The following MET variants were observed in gnomAD, a reference collection of about 807,000 sequenced individuals.
MET encodes MET proto-oncogene, receptor tyrosine kinase, also known as hepatocyte growth factor receptor.
In MET, 48 loss-of-function variants were observed where a neutral mutation model predicts 133.1. The observed-to-expected ratio is 0.36, with a 90% CI of 0.29 to 0.46. The LOEUF (loss-of-function observed/expected upper bound fraction) is 0.46, where lower values mean the gene tolerates loss of function less well. MET is among the 20% of genes least tolerant of loss of function. The pLI, the probability that MET is intolerant of heterozygous loss-of-function variation, is 1.00. For missense variants in MET, 1,442 were observed against 1,695.9 expected, an observed-to-expected ratio of 0.85 and a Z score of 2.63; for synonymous variants, 628 against 616.5, an observed-to-expected ratio of 1.02 and a Z score of -0.28.
intron 9 of MET, 28 bp downstream of exon 9, chr7:116,758,648 G>A (rs1794281262): frequency 6.2e-7 from 1 of 1,602,106 alleles, no homozygotes; most frequent in African/African-American, 1.3e-5. Context: ...ATGGGTATAA[G>A]AAAACAATGA....
chr7:116,791,013 G>C (rs1188903987), intron 19 of MET, among the ~76,000 whole-genome samples: 1 of 152,164 alleles, frequency 6.6e-6, no homozygotes, highest in Admixed American at 6.5e-5. Flanking sequence ...TGGATGCAGA[G>C]GTTGCAGTGA....
intron 2 of MET, among the ~76,000 whole-genome samples, chr7:116,705,714 A>T (rs970042969): frequency 1.3e-5 from 2 of 152,254 alleles, no homozygotes; most frequent in Middle Eastern, 6.8e-3. Flanking sequence ...TGTAAGTAAA[A>T]GGTTATTAAT....
At chr7:116,732,129 A>G (rs1793036473) in intron 3 of MET, among the ~76,000 whole-genome samples, 1 of 152,028 alleles carries the variant, frequency 6.6e-6, no homozygotes, top group Non-Finnish European at 1.5e-5. Flanking sequence ...TCCATTTATA[A>G]TTTCTGTCAC....
Position 116,741,569 on chromosome 7 carries a change from T to A in MET, c.1701+544T>A, listed in dbSNP as rs1424055148. ...ACAGGACAGTTTTCTTCCTGTCCGA[T>A]GCATAGATGGTGGCCTTGTCTGTTC... On this transcript the variant is annotated intron_variant, in intron 5 of 20. Transcript: ENST00000397752. 2.0e-5 allele frequency among the ~76,000 whole-genome samples: 3 copies of A among 152,236 alleles called. No individual in the cohort carries two copies. The East Asian group carries it at 5.8e-4, about 29-fold the overall frequency.
At chr7:116,794,557 G>A (rs1013484268) in intron 19 of MET, among the ~76,000 whole-genome samples, 8 of 152,138 alleles carry the variant, frequency 5.3e-5, no homozygotes, top group South Asian at 2.1e-4. Context: ...TCTTTCAGTC[G>A]CAGCGTTCAA....
At chr7:116,712,157 G>T (rs900006049) in intron 2 of MET, among the ~76,000 whole-genome samples, 1 of 152,096 alleles carries the variant, frequency 6.6e-6, no homozygotes, top group Non-Finnish European at 1.5e-5. Context: ...CGTGTAGCTT[G>T]GTCCACTTCA....
intron 5 of MET, among the ~76,000 whole-genome samples, chr7:116,751,843 C>T (rs556695962): frequency 3.3e-5 from 5 of 152,124 alleles, no homozygotes; most frequent in South Asian, 2.1e-4. Flanking sequence ...GGGCAGATCA[C>T]GAGGTCAGGA....
At chr7:116,754,695 T>A (rs1330737886) in intron 5 of MET, among the ~76,000 whole-genome samples, 1 of 150,284 alleles carries the variant, frequency 6.7e-6, no homozygotes, top group Admixed American at 6.7e-5. Context: ...CCCACGCCTG[T>A]GATCCCAGCT....
Position 116,700,340 on chromosome 7 carries a change from A to G in MET, c.1200+56A>G, listed in dbSNP as rs1405988381. 8 of 1,559,244 alleles carry G rather than the reference A, an allele frequency of 5.1e-6. No homozygotes were observed. In the Admixed American group the frequency reaches 1.2e-4, roughly 23 times the overall value. ...TGTGAGGTATAAATTAGAAATAAGT[A>G]TCAGTCTCAAAAAGAATATCCAGGG... On this transcript the variant is annotated intron_variant, in intron 2 of 20. Coordinates refer to ENST00000397752, the MANE Select transcript of MET (RefSeq NM_000245.4).
At chr7:116,672,598 A>G (rs1796014151) in intron 1 of MET, 21 bp downstream of exon 1, 1 of 383,978 alleles carries the variant, frequency 2.6e-6, no homozygotes, top group Admixed American at 4.5e-5. Flanking sequence ...AGCCCCTTTC[A>G]GATCCAGTAC....
At position 116,672,403 on chromosome 7, in the gene MET, A is replaced by G. The variant is rs1796004388; in HGVS notation, c.-189A>G. ...CTCAGCCCGGCCGCAGGTGACCCGGAGGCCCTCGCCGCCCGCGGCGCCCCG... is the reference window on the plus strand; with the variant it reads ...CTCAGCCCGGCCGCAGGTGACCCGGGGGCCCTCGCCGCCCGCGGCGCCCCG... On this transcript the variant is annotated 5_prime_UTR_variant, in exon 1 of 21. Transcript: ENST00000397752. 2 of 385,462 alleles carry G rather than the reference A, an allele frequency of 5.2e-6. No homozygotes were observed. The highest frequency in any genetic ancestry group is 4.5e-5 in the Admixed American group (1 of 22,232). The allele number at this position is 385,462 out of a possible 1,614,324, so 23.9% of individuals were successfully genotyped here.
chr7:116,794,565 C>G (rs1023564610), intron 19 of MET, among the ~76,000 whole-genome samples: 1 of 152,224 alleles, frequency 6.6e-6, no homozygotes, highest in Non-Finnish European at 1.5e-5. Context: ...TCGCAGCGTT[C>G]AAAGGCAGGC....
chr7:116,697,180 G>C (rs146233711), intron 1 of MET, among the ~76,000 whole-genome samples: 1 of 152,268 alleles, frequency 6.6e-6, no homozygotes, highest in East Asian at 1.9e-4. Context: ...ACTTTTTCCA[G>C]ATAACTGCTA....
In MET at chr7:116,699,375, A is replaced by G. The variant is rs1584876383; in HGVS notation, c.291A>G (p.Pro97=). 4 of 1,613,930 alleles carry G rather than the reference A, an allele frequency of 2.5e-6. No homozygotes were observed. Among genetic ancestry groups the G allele is most frequent in the African/African-American group, 2.7e-5 (2 of 74,916 alleles). Residue 97 remains proline (P), a synonymous_variant, in exon 2 of 21, where the codon CCA becomes CCG. Transcript: ENST00000397752. ...GPVLEHPDCF[P]CQDCSSKANL... is the part of the protein sequence containing the mutation. ...TGCTGGAACACCCAGATTGTTTCCC[A>G]TGTCAGGACTGCAGCAGCAAAGCCA...
At chr7:116,743,311 T>C (rs1045217828) in intron 5 of MET, among the ~76,000 whole-genome samples, 12 of 152,160 alleles carry the variant, frequency 7.9e-5, no homozygotes, top group Non-Finnish European at 1.3e-4. Flanking sequence ...GGGCGGCCAT[T>C]TGGGCAGACA....
intron 5 of MET, among the ~76,000 whole-genome samples, chr7:116,751,950 A>C (rs982153478): frequency 6.6e-6 from 1 of 152,026 alleles, no homozygotes; most frequent in Non-Finnish European, 1.5e-5. Flanking sequence ...AGTACCAGCT[A>C]CTCGGGAGGC....
At chr7:116,766,476 A>G (rs1010018621) in intron 11 of MET, among the ~76,000 whole-genome samples, 15 of 152,130 alleles carry the variant, frequency 9.9e-5, no homozygotes, top group African/African-American at 3.6e-4. Context: ...ATGGTTTTGA[A>G]CCATCCTAAT....
chr7:116,706,767 G>A (rs1225582482), intron 2 of MET, among the ~76,000 whole-genome samples: 1 of 152,024 alleles, frequency 6.6e-6, no homozygotes, highest in Admixed American at 6.6e-5. Flanking sequence ...ATGATTCAGA[G>A]CCCAGATATG....
rs2116784430 is a variant in MET at position 116,731,854 on chromosome 7, A to AT, written c.1388dup (p.Met463IlefsTer110). The AT allele has an allele frequency of 6.2e-7, 1 of 1,613,994 alleles. No homozygotes were observed. The highest frequency in any genetic ancestry group is 2.2e-5 in the East Asian group (1 of 44,890). On this transcript the variant is annotated frameshift_variant, in exon 3 of 21. Transcript: ENST00000397752. LOFTEE classifies it high-confidence loss of function. ...TCTTGGGACATCAGAGGGTCGCTTC[A>AT]TGCAGGTAAGTGCTTTCTGAGAGTA...
Sources: allele counts gnomAD v4.1 joint callset (sites outside exome capture counted in the v4.1 genomes callset), GRCh38; gene constraint gnomAD v4.1.1; transcripts MANE v1.5; gene names NCBI Gene and HGNC (gene_info 2026-07-23, HGNC 2026-07-21).